RWDD3: variants seen among roughly 807,000 people sequenced by gnomAD.
RWDD3 encodes RWD domain containing 3, also known as RWD domain-containing protein 3.
Under a neutral mutation model 26.5 loss-of-function variants are expected in RWDD3, and 30 were observed. That is an observed-to-expected ratio of 1.13 (90% CI 0.85 to 1.54). The LOEUF is 1.54. Ranked by LOEUF, RWDD3 falls within the 40% of genes most tolerant of loss-of-function variation. The probability of loss-of-function intolerance (pLI) is 0.00; values close to 1 mark genes in which losing one functional copy is unlikely to be tolerated. For synonymous variants in RWDD3, 113 were observed against 114.5 expected (o/e 0.99, Z 0.09); for missense variants, 296 against 309.1 (o/e 0.96, Z 0.32).
chr1:95,234,270 G>A lies in RWDD3; in HGVS notation c.40G>A (p.Ala14Thr). 3 of 1,598,990 alleles carry A rather than the reference G, an allele frequency of 1.9e-6. No homozygotes were observed. The highest frequency in any genetic ancestry group is 1.3e-5 in the African/African-American group (1 of 74,840). ...GCAGGAGGAGCTCTCGGTCCTGGCC[G>A]CGATTTTCTGCAGGCCCCACGAGTG... is the stretch of plus-strand genomic sequence containing the variant. ...PVQEELSVLA[A>T]IFCRPHEWEV... Residue 14 changes from alanine (A) to threonine (T), a missense_variant, in exon 1 of 4, where the codon GCG (alanine) becomes ACG (threonine). Physicochemically the swap from Ala to Thr is moderately conservative, Grantham distance 58 (BLOSUM62 0). Transcript: ENST00000370202.
In RWDD3 at chr1:95,234,307, G is replaced by A; in HGVS notation, c.77G>A (p.Ser26Asn). 1.3e-6 allele frequency: 2 copies of A among 1,593,780 alleles called. No homozygotes were observed. The highest frequency in any genetic ancestry group is 1.7e-6 in the Non-Finnish European group (2 of 1,170,378). ...FCRPHEWEVLSRSETDGTVFR... is the reference protein window; with the variant it reads ...FCRPHEWEVLNRSETDGTVFR... ...AGGCCCCACGAGTGGGAGGTGCTGA[G>A]CCGCTCAGGTGACTACCCGCGCGCG... Residue 26 changes from serine to asparagine, a missense_variant, in exon 1 of 4, where the codon AGC (serine) becomes AAC (asparagine). Coordinates refer to ENST00000370202, the MANE Select transcript of RWDD3 (RefSeq NM_015485.5).
chr1:95,239,296 A>G (rs1186017007), intron 1 of RWDD3, among the ~76,000 whole-genome samples: 3 of 152,198 alleles, frequency 2.0e-5, no homozygotes, highest in Non-Finnish European at 4.4e-5. Flanking sequence ...AGATAGGGGC[A>G]ACTTTGTTTT....
chr1:95,241,359 A>G (rs1334081333), intron 1 of RWDD3, among the ~76,000 whole-genome samples: 1 of 151,978 alleles, frequency 6.6e-6, no homozygotes, highest in Non-Finnish European at 1.5e-5. Flanking sequence ...CCCAAGTTCA[A>G]TGGGGTGATG....
chr1:95,246,923 CA>C lies in RWDD3; in HGVS notation c.*54del. ...ATAGCAGTGTTTTTTGTTGTTTTTGCATTGGATTTGGGGAGTGGTTAATTGA... is the reference window on the plus strand; with the variant it reads ...ATAGCAGTGTTTTTTGTTGTTTTTGCTTGGATTTGGGGAGTGGTTAATTGA... On this transcript the variant is annotated 3_prime_UTR_variant, in exon 4 of 4. Transcript: ENST00000370202. 3 of 1,138,642 alleles carry C rather than the reference CA, an allele frequency of 2.6e-6. No individual in the cohort carries two copies. The highest frequency in any genetic ancestry group is 3.7e-6 in the Non-Finnish European group (3 of 818,930). The allele number at this position is 1,138,642 out of a possible 1,614,324, so 70.5% of individuals were successfully genotyped here.
In RWDD3 at chr1:95,246,846, A is replaced by G; in HGVS notation, c.780A>G (p.Glu260=). 1.3e-6 allele frequency: 2 copies of G among 1,548,876 alleles called. No individual in the cohort carries two copies. The highest frequency in any genetic ancestry group is 1.7e-6 in the Non-Finnish European group (2 of 1,151,628). The change falls in exon 4 of 4, where the codon GAA becomes GAG. Residue 260 remains glutamate, a synonymous_variant. Transcript: ENST00000370202. ...CAGGACTTAAGAAGCTTTTCTCCGA[A>G]TTTGTACTTGCTCTGGTAAAATGAA... is the stretch of plus-strand genomic sequence containing the variant. ...ETAGLKKLFS[E]FVLALVK is the part of the protein sequence containing the mutation.
rs116558062 is a variant in RWDD3 at position 95,242,120 on chromosome 1, A to G, written c.86-2091A>G. On this transcript the variant is annotated intron_variant, in intron 1 of 3. Coordinates refer to ENST00000370202, the MANE Select transcript of RWDD3 (RefSeq NM_015485.5). ...ACTATCTTTACAATTTTTCCTCTGC[A>G]GTTTTTCCCACCACCCTGACTGAAC... 9.8e-4 allele frequency among the ~76,000 whole-genome samples: 149 copies of G among 152,326 alleles called. 1 individual carries two copies. Among genetic ancestry groups the G allele is most frequent in the Admixed American group, 3.8e-3 (58 of 15,304 alleles).
intron 1 of RWDD3, among the ~76,000 whole-genome samples, chr1:95,235,309 C>T (rs1680274938): frequency 6.9e-6 from 1 of 145,484 alleles, no homozygotes; most frequent in South Asian, 2.2e-4. Context: ...GCCTCGGCCT[C>T]CGAAAGTGCT....
In RWDD3 at chr1:95,234,295, G is replaced by T. The variant is rs751414968; in HGVS notation, c.65G>T (p.Trp22Leu). The T allele has an allele frequency of 1.3e-6, 2 of 1,597,162 alleles. No individual in the cohort carries two copies. The highest frequency in any genetic ancestry group is 2.3e-5 in the South Asian group (2 of 87,920). ...GCGATTTTCTGCAGGCCCCACGAGT[G>T]GGAGGTGCTGAGCCGCTCAGGTGAC... ...LAAIFCRPHEWEVLSRSETDG... is the reference protein window; with the variant it reads ...LAAIFCRPHELEVLSRSETDG... The change falls in exon 1 of 4, where the codon TGG (tryptophan) becomes TTG (leucine). Residue 22 changes from tryptophan (W) to leucine (L), a missense_variant. Coordinates refer to ENST00000370202, the MANE Select transcript of RWDD3 (RefSeq NM_015485.5).
intron 2 of RWDD3, among the ~76,000 whole-genome samples, chr1:95,245,175 C>G (rs1336702941): frequency 6.6e-6 from 1 of 152,154 alleles, no homozygotes; most frequent in Non-Finnish European, 1.5e-5. Flanking sequence ...AGGAGCTTGT[C>G]TGTTATAACC....
intron 1 of RWDD3, among the ~76,000 whole-genome samples, chr1:95,235,757 A>G (rs971397323): frequency 4.6e-5 from 7 of 152,104 alleles, no homozygotes; most frequent in African/African-American, 1.7e-4. Context: ...TCAGGGTTTC[A>G]GAGACACCGC....
intron 1 of RWDD3, among the ~76,000 whole-genome samples, chr1:95,235,603 G>A (rs889343622): frequency 6.8e-6 from 1 of 146,756 alleles, no homozygotes; most frequent in African/African-American, 2.5e-5. Flanking sequence ...CGTGATCCGC[G>A]CGTCTCGGCC....
chr1:95,240,780 G>A (rs4950022), intron 1 of RWDD3, among the ~76,000 whole-genome samples: 3,227 of 152,072 alleles, frequency 0.021, 46 homozygotes, highest in South Asian at 0.05. Flanking sequence ...TTAGGAGGGT[G>A]GAAGGGAGAG....
chr1:95,236,159 C>G (rs1024814803), intron 1 of RWDD3, among the ~76,000 whole-genome samples: 1 of 152,070 alleles, frequency 6.6e-6, no homozygotes, highest in Non-Finnish European at 1.5e-5. Context: ...AACCCCATCT[C>G]TACTAAAAAT....
intron 1 of RWDD3, among the ~76,000 whole-genome samples, chr1:95,241,310 G>A (rs1680609841): frequency 6.6e-6 from 1 of 152,108 alleles, no homozygotes; most frequent in Non-Finnish European, 1.5e-5. Flanking sequence ...TGCACAGCAG[G>A]CAGCATTAGC....
At chr1:95,246,493 TTGAGA>T in intron 2 of RWDD3, 44 bp from the exon 3 acceptor site, 1 of 1,071,088 alleles carries the variant, frequency 9.3e-7, no homozygotes, top group Non-Finnish European at 1.4e-6. Context: ...AACTGGGACT[TTGAGA>T]CTCAGAGTAA....
chr1:95,239,641 G>A (rs1680521574), intron 1 of RWDD3: 1 of 708,432 alleles, frequency 1.4e-6, no homozygotes, highest in Admixed American at 4.1e-5. Context: ...AGACCAATTA[G>A]GAAGAATGCT....
rs1196973263 is a variant in RWDD3, at chr1:95,234,224, C to G, written c.-7C>G. On this transcript the variant is annotated 5_prime_UTR_variant, in exon 1 of 4. Coordinates refer to ENST00000370202, the MANE Select transcript of RWDD3 (RefSeq NM_015485.5). ...GGGGAAGCGCTGAGGCGGTGGGGCC[C>G]ACAGCCATGGCGGAGCCTGTGCAGG... 8.2e-6 allele frequency: 13 copies of G among 1,581,598 alleles called. No individual in the cohort carries two copies. Among genetic ancestry groups the G allele is most frequent in the Non-Finnish European group, 1.0e-5 (12 of 1,164,594 alleles).
intron 1 of RWDD3, among the ~76,000 whole-genome samples, chr1:95,242,012 G>A (rs1423359101): frequency 2.6e-5 from 4 of 152,094 alleles, no homozygotes; most frequent in Non-Finnish European, 4.4e-5. Flanking sequence ...AAGAGGATTC[G>A]GCTGCTTTCA....
Position 95,234,269 on chromosome 1 carries a change from C to CG in RWDD3, c.40dup (p.Ala14GlyfsTer29), listed in dbSNP as rs1557716680. 1.3e-6 allele frequency: 2 copies of CG among 1,599,186 alleles called. No homozygotes were observed. Among genetic ancestry groups the CG allele is most frequent in the South Asian group, 2.3e-5 (2 of 88,206 alleles). ...TGCAGGAGGAGCTCTCGGTCCTGGC[C>CG]GCGATTTTCTGCAGGCCCCACGAGT... is the stretch of plus-strand genomic sequence containing the variant. On this transcript the variant is annotated frameshift_variant, in exon 1 of 4. Coordinates refer to ENST00000370202, the MANE Select transcript of RWDD3 (RefSeq NM_015485.5). LOFTEE classifies it high-confidence loss of function.
Sources: allele counts gnomAD v4.1 joint callset (sites outside exome capture counted in the v4.1 genomes callset), GRCh38; gene constraint gnomAD v4.1.1; transcripts MANE v1.5; gene names NCBI Gene and HGNC (gene_info 2026-07-23, HGNC 2026-07-21).